Variants in CERS1 observed in about 807,000 individuals in gnomAD.
The protein encoded by CERS1 is ceramide synthase 1.
A neutral mutation model predicts 35.7 loss-of-function variants in CERS1; 16 were observed. That is an observed-to-expected ratio of 0.45 (90% confidence interval 0.30 to 0.68). The LOEUF (loss-of-function observed/expected upper bound fraction) is 0.68, where lower values mean the gene tolerates loss of function less well. Ranked by LOEUF, CERS1 falls within the 30% of genes least tolerant of loss-of-function variation. The pLI is 0.08. For missense variants in CERS1, 454 were observed against 453.9 expected, an observed-to-expected ratio of 1.00 and a Z score of 0.00; for synonymous variants, 243 against 201.6, an observed-to-expected ratio of 1.21 and a Z score of -1.74.
intron 6 of CERS1, among the ~76,000 whole-genome samples, chr19:18,872,398 A>G (rs907122603): frequency 6.6e-6 from 1 of 151,546 alleles, no homozygotes; most frequent in African/African-American, 2.4e-5. Flanking sequence ...CCCAGGCTGG[A>G]GTGCAGTGGC....
rs953447681 is a variant in CERS1 at position 18,885,460 on chromosome 19, G to A, written c.410-1193C>T. 6.2e-4 allele frequency among the ~76,000 whole-genome samples: 94 copies of A among 151,130 alleles called. 1 individual carries two copies. Among genetic ancestry groups the A allele is most frequent in the Non-Finnish European group, 8.8e-5 (6 of 67,950 alleles). ...AATCCTCCTGCCTTGGCCTCCCAAA[G>A]TGCTGGGGTTACAGGGATGAGCCAC... On this transcript the variant is annotated intron_variant, in intron 2 of 7. Transcript: ENST00000623882.
At chr19:18,877,894 A>C in intron 6 of CERS1, 4 of 885,782 alleles carry the variant, frequency 4.5e-6, no homozygotes, top group South Asian at 5.2e-5. Flanking sequence ...AGTCAATACC[A>C]GCTCGAGCCA....
intron 2 of CERS1, among the ~76,000 whole-genome samples, chr19:18,886,709 G>A (rs1217838130): frequency 1.3e-5 from 2 of 151,952 alleles, no homozygotes; most frequent in Admixed American, 6.6e-5. Flanking sequence ...CTCCATCTGC[G>A]GCTTCCTGGC....
At position 18,878,729 on chromosome 19, in the gene CERS1, C is replaced by T; in HGVS notation, c.1010+201G>A. Reference sequence around the variant, plus strand: ...GCCTGCCCCTCCCCAGCCTCTCCCTCCCCTTCCTCACTGTCCTGTCCTTCA... The same window carrying T: ...GCCTGCCCCTCCCCAGCCTCTCCCTTCCCTTCCTCACTGTCCTGTCCTTCA... On this transcript the variant is annotated intron_variant, in intron 6 of 7. Transcript: ENST00000623882. This position sits in a 1 kb window ranked among gnomAD's most constrained non-coding sequence, Gnocchi z 4.6. 1 of 1,390,032 alleles carries T rather than the reference C, an allele frequency of 7.2e-7. No individual in the cohort carries two copies. Among genetic ancestry groups the T allele is most frequent in the Non-Finnish European group, 9.3e-7 (1 of 1,070,470 alleles). The allele number at this position is 1,390,032 out of a possible 1,614,324, so 86.1% of individuals were successfully genotyped here.
intron 4 of CERS1, 124 bp downstream of exon 4, chr19:18,880,150 G>T: frequency 4.1e-6 from 4 of 975,748 alleles, no homozygotes; most frequent in Non-Finnish European, 4.3e-6. Context: ...CCCCTCCCCT[G>T]TCATGCCACA....
At chr19:18,885,511 G>GTGTTT (rs2056327287) in intron 2 of CERS1, among the ~76,000 whole-genome samples, 1 of 22,122 alleles carries the variant, frequency 4.5e-5, no homozygotes, top group Non-Finnish European at 1.2e-4. Context: ...GCCCCTTCTC[G>GTGTTT]TTTTTTTTTT....
Position 18,868,747 on chromosome 19 carries a change from G to T in CERS1, c.*1238C>A. On this transcript the variant is annotated 3_prime_UTR_variant, in exon 8 of 8. Transcript: ENST00000623882. ...CGGCTCCCGGGGCGGCCGCGTGCAT[G>T]AGCGCGCGCAGCACAGCGTGGTTGA... is the stretch of plus-strand genomic sequence containing the variant. 1 of 1,522,896 alleles carries T rather than the reference G, an allele frequency of 6.6e-7. No homozygotes were observed. The highest frequency in any genetic ancestry group is 1.2e-5 in the South Asian group (1 of 83,304). The allele number at this position is 1,522,896 out of a possible 1,614,324, so 94.3% of individuals were successfully genotyped here.
intron 6 of CERS1, among the ~76,000 whole-genome samples, chr19:18,874,192 G>T (rs2056022856): frequency 6.6e-6 from 1 of 152,190 alleles, no homozygotes; most frequent in Non-Finnish European, 1.5e-5. Context: ...GGGACATGTT[G>T]GCCAGATTAT....
In CERS1 at chr19:18,870,726, C is replaced by T; in HGVS notation, c.1011-107G>A. ...TTCACACCCCCTGGCTCCTTTTACC[C>T]GGCCAGGCCCGGGCCTCGCCTTGTG... On this transcript the variant is annotated intron_variant, in intron 6 of 7. Transcript: ENST00000623882. The surrounding 1 kb of genome is among the most constrained non-coding windows in gnomAD (Gnocchi z 5.1). The T allele has an allele frequency of 2.2e-6, 1 of 457,698 alleles. No homozygotes were observed. Among genetic ancestry groups the T allele is most frequent in the Non-Finnish European group, 4.0e-6 (1 of 252,342 alleles). The allele number at this position is 457,698 out of a possible 1,614,324, so 28.4% of individuals were successfully genotyped here.
chr19:18,869,163 G>A lies in CERS1; in HGVS notation c.*822C>T. The A allele has an allele frequency of 8.8e-7, 1 of 1,139,592 alleles. No homozygotes were observed. Among genetic ancestry groups the A allele is most frequent in the Non-Finnish European group, 1.1e-6 (1 of 928,556 alleles). The allele number at this position is 1,139,592 out of a possible 1,614,324, so 70.6% of individuals were successfully genotyped here. On this transcript the variant is annotated 3_prime_UTR_variant, in exon 8 of 8. Transcript: ENST00000623882. ...GGCGGCCCCAGGGCGGGCACCAACTGGCGGAGCAGCACCGGCCCGGGGTCC... is the reference window on the plus strand; with the variant it reads ...GGCGGCCCCAGGGCGGGCACCAACTAGCGGAGCAGCACCGGCCCGGGGTCC...
In CERS1 at chr19:18,885,526, T is replaced by G. The variant is rs1209447127; in HGVS notation, c.410-1259A>C. Among the ~76,000 whole-genome samples, 22 of 148,512 alleles carry G rather than the reference T, an allele frequency of 1.5e-4. No homozygotes were observed. In the East Asian group the frequency reaches 4.0e-3, roughly 27 times the overall value. ...GCCCCTTCTCGTTTTTTTTTTTTTT[T>G]TTTTTTTTTTTGAGATGGAGTCTTG... On this transcript the variant is annotated intron_variant, in intron 2 of 7. Transcript: ENST00000623882.
chr19:18,880,765 C>T (rs1048332242), intron 3 of CERS1, among the ~76,000 whole-genome samples: 1 of 151,856 alleles, frequency 6.6e-6, no homozygotes, highest in Non-Finnish European at 1.5e-5. Flanking sequence ...GTGGTGTGAT[C>T]GGGCCCACTG....
At chr19:18,889,045 C>T (rs2056431867) in intron 2 of CERS1, among the ~76,000 whole-genome samples, 2 of 151,680 alleles carry the variant, frequency 1.3e-5, no homozygotes, top group Admixed American at 1.3e-4. Flanking sequence ...GCATGCATCC[C>T]CACGCCTGGC....
Position 18,868,647 on chromosome 19 carries a change from C to A in CERS1, c.*1338G>T. On this transcript the variant is annotated 3_prime_UTR_variant, in exon 8 of 8. Transcript: ENST00000623882. ...ACCATGTCCTCATACTGCCGCAGCA[C>A]CACGTTGTCGCTGTTGTCAAAGAAG... The A allele has an allele frequency of 6.3e-7, 1 of 1,575,580 alleles. No homozygotes were observed. The highest frequency in any genetic ancestry group is 8.6e-7 in the Non-Finnish European group (1 of 1,160,656).
At position 18,895,836 on chromosome 19, in the gene CERS1, C is replaced by A. The variant is rs1335963588; in HGVS notation, c.237G>T (p.Ala79=). The change falls in exon 1 of 8, where the codon GCG becomes GCT. Residue 79 remains alanine (A), a synonymous_variant. Coordinates refer to ENST00000623882, the MANE Select transcript of CERS1 (RefSeq NM_021267.5). The surrounding 1 kb of genome is among the most constrained non-coding windows in gnomAD (Gnocchi z 6.4). ...GWTALRSAAT[A]RLFRPLAKRC... ...CGGCCACACTGACCCGAAAGAGGCG[C>A]GCAGTGGCCGCGGAGCGCAGGGCGG... 1 of 1,293,572 alleles carries A rather than the reference C, an allele frequency of 7.7e-7. No individual in the cohort carries two copies. Among genetic ancestry groups the A allele is most frequent in the South Asian group, 2.0e-5 (1 of 50,902 alleles). The allele number at this position is 1,293,572 out of a possible 1,614,324, so 80.1% of individuals were successfully genotyped here. A position where few individuals can be genotyped will look rare whatever the true frequency, so the allele number is the denominator to read the frequency against.
chr19:18,873,310 G>T (rs973070840), intron 6 of CERS1, among the ~76,000 whole-genome samples: 1 of 152,068 alleles, frequency 6.6e-6, no homozygotes, highest in Non-Finnish European at 1.5e-5. Context: ...TGTAGGAGTC[G>T]GTGTGGATTA....
intron 1 of CERS1, among the ~76,000 whole-genome samples, chr19:18,894,442 C>T (rs2056575550): frequency 6.6e-6 from 1 of 152,160 alleles, no homozygotes; most frequent in Non-Finnish European, 1.5e-5. Flanking sequence ...TTTGGAACAC[C>T]CGGCAGCCCC....
At chr19:18,874,715 C>A (rs1316275754) in intron 6 of CERS1, among the ~76,000 whole-genome samples, 1 of 152,148 alleles carries the variant, frequency 6.6e-6, no homozygotes, top group East Asian at 1.9e-4. Context: ...TACTGGCTAC[C>A]CACATCACCA....
intron 4 of CERS1, 66 bp downstream of exon 4, chr19:18,880,208 T>A: frequency 2.2e-6 from 3 of 1,351,142 alleles, no homozygotes; most frequent in East Asian, 3.0e-5. Flanking sequence ...GTCCCGCCCC[T>A]TTTCTGGACA....
Sources: allele counts gnomAD v4.1 joint callset (sites outside exome capture counted in the v4.1 genomes callset), GRCh38; gene constraint gnomAD v4.1.1; non-coding constraint Gnocchi (gnomAD v3.1); transcripts MANE v1.5; gene names NCBI Gene and HGNC (gene_info 2026-07-23, HGNC 2026-07-21).